The following GALNT16 variants were observed in gnomAD, a reference collection of about 807,000 sequenced individuals.
The protein encoded by GALNT16 is polypeptide N-acetylgalactosaminyltransferase 16, also known as UDP-GalNAc:polypeptide N-acetylgalactosaminyltransferase-like protein 1.
GALNT16 carries 40 observed loss-of-function variants against 76.1 expected under a neutral mutation model. That is an observed-to-expected ratio of 0.53 (90% CI 0.41 to 0.68). GALNT16 has a LOEUF of 0.68. Ranked by LOEUF, GALNT16 falls within the 30% of genes least tolerant of loss-of-function variation. The probability of loss-of-function intolerance (pLI) is 0.00; values close to 1 mark genes in which losing one functional copy is unlikely to be tolerated. For synonymous variants in GALNT16, 276 were observed against 285.2 expected, an observed-to-expected ratio of 0.97 and a Z score of 0.32; for missense variants, 621 against 731.9, an observed-to-expected ratio of 0.85 and a Z score of 1.75.
At chr14:69,331,272 C>T (rs142889180) in intron 6 of GALNT16, among the ~76,000 whole-genome samples, 192 bp from the exon 7 acceptor site, 69 of 152,236 alleles carry the variant, frequency 4.5e-4, no homozygotes, top group African/African-American at 1.6e-3. Context: ...ATAGGAACAT[C>T]CAGGAGCTTG....
At chr14:69,301,199 C>T (rs1375534945) in intron 1 of GALNT16, among the ~76,000 whole-genome samples, 1 of 152,140 alleles carries the variant, frequency 6.6e-6, no homozygotes, top group Non-Finnish European at 1.5e-5. Flanking sequence ...CTGAAAGCCC[C>T]TGCAGCTGCG....
In GALNT16 at chr14:69,320,847, T is replaced by G; in HGVS notation, c.314T>G (p.Ile105Ser). 6.2e-7 allele frequency: 1 copy of G among 1,612,062 alleles called. No homozygotes were observed. Among genetic ancestry groups the G allele is most frequent in the Non-Finnish European group, 8.5e-7 (1 of 1,178,646 alleles). ...GACAAGCTGAGCCCAGACCGGCCCA[T>G]CCGGGACACCCGCCATTACAGGTAC... The part of the protein sequence containing the change: ...ESDKLSPDRP[I>S]RDTRHYSCPS... Residue 105 changes from isoleucine (I) to serine (S), a missense_variant, in exon 2 of 15, where the codon ATC (isoleucine) becomes AGC (serine). Coordinates refer to ENST00000448469, the MANE Select transcript of GALNT16 (RefSeq NM_001168368.2).
chr14:69,347,216 A>C, intron 13 of GALNT16, 35 bp downstream of exon 13: 4 of 1,559,924 alleles, frequency 2.6e-6, no homozygotes, highest in Non-Finnish European at 2.6e-6. Context: ...AGTGGGAGAG[A>C]GCTGGAGGCA....
At chr14:69,328,396 TG>T (rs1460272095) in intron 5 of GALNT16, 53 bp from the exon 6 acceptor site, 11 of 1,579,960 alleles carry the variant, frequency 7.0e-6, no homozygotes, top group Non-Finnish European at 9.5e-6. Context: ...GGGGGACAGG[TG>T]GGAAGCCAGT....
intron 1 of GALNT16, among the ~76,000 whole-genome samples, chr14:69,269,644 A>G (rs1262624270): frequency 1.5e-5 from 2 of 130,308 alleles, no homozygotes; most frequent in Non-Finnish European, 1.6e-5. Context: ...TGTGGTGTGT[A>G]TATGATGTGT....
At chr14:69,346,265 G>T (rs1344314131) in intron 12 of GALNT16, among the ~76,000 whole-genome samples, 1 of 152,140 alleles carries the variant, frequency 6.6e-6, no homozygotes, top group Non-Finnish European at 1.5e-5. Flanking sequence ...CCCAGCTCCT[G>T]TTGTTAGATA....
chr14:69,282,122 A>G (rs950104683), intron 1 of GALNT16, among the ~76,000 whole-genome samples: 1 of 152,176 alleles, frequency 6.6e-6, no homozygotes. Context: ...CTCAAGTTGC[A>G]TGGTGAGGTT....
chr14:69,270,137 C>T (rs1157759595), intron 1 of GALNT16, among the ~76,000 whole-genome samples: 1 of 152,100 alleles, frequency 6.6e-6, no homozygotes, highest in East Asian at 1.9e-4. Flanking sequence ...ACAGCTTCTC[C>T]TCTGTTCAAG....
intron 4 of GALNT16, among the ~76,000 whole-genome samples, 158 bp from the exon 5 acceptor site, chr14:69,325,804 G>T (rs2045274519): frequency 6.6e-6 from 1 of 152,150 alleles, no homozygotes; most frequent in South Asian, 2.1e-4. Context: ...GAGTGGGGCA[G>T]GGCAACCCTT....
At chr14:69,379,425 AAAC>A in the GALNT16 span, among the ~76,000 whole-genome samples, 1 of 152,094 alleles carries the variant, frequency 6.6e-6, no homozygotes, top group Admixed American at 6.5e-5. Context: ...GTCTTGCATA[AAAC>A]AACAAAAAAA....
At chr14:69,345,622 G>A (rs1017104648) in intron 12 of GALNT16, among the ~76,000 whole-genome samples, 7 of 151,764 alleles carry the variant, frequency 4.6e-5, no homozygotes, top group Middle Eastern at 3.4e-3. Flanking sequence ...ATCCAAGAAC[G>A]AACATAACCT....
intron 1 of GALNT16, among the ~76,000 whole-genome samples, chr14:69,319,286 G>A (rs939446251): frequency 3.9e-5 from 6 of 152,204 alleles, no homozygotes; most frequent in African/African-American, 9.6e-5. Context: ...CAGTGAGGTC[G>A]GGGGCTAGGC....
chr14:69,263,353 C>T (rs1396392674), intron 1 of GALNT16, among the ~76,000 whole-genome samples: 2 of 152,196 alleles, frequency 1.3e-5, no homozygotes, highest in East Asian at 3.8e-4. Context: ...ATGCTTTGTT[C>T]AACTTAAAAG....
intron 14 of GALNT16, chr14:69,351,287 G>A (rs909854810): frequency 1.3e-5 from 2 of 152,432 alleles, no homozygotes; most frequent in South Asian, 2.1e-4. Flanking sequence ...TAGGAGAAAA[G>A]TCGGGACCAG....
chr14:69,349,841 G>A (rs1357462711), intron 14 of GALNT16: 2 of 152,242 alleles, frequency 1.3e-5, no homozygotes, highest in African/African-American at 4.8e-5. Flanking sequence ...GTGCCTAATA[G>A]CACTGATAAG....
intron 1 of GALNT16, among the ~76,000 whole-genome samples, chr14:69,266,101 G>A (rs2044339621): frequency 6.6e-6 from 1 of 152,164 alleles, no homozygotes; most frequent in Non-Finnish European, 1.5e-5. Flanking sequence ...CAAAGCCCAG[G>A]CTCATGTCTT....
intron 1 of GALNT16, among the ~76,000 whole-genome samples, chr14:69,319,897 C>G (rs956029930): frequency 6.6e-6 from 1 of 152,230 alleles, no homozygotes; most frequent in Non-Finnish European, 1.5e-5. Flanking sequence ...ACAGGTAGTT[C>G]TTTATGCAGC....
chr14:69,306,648 C>A (rs149654416), intron 1 of GALNT16, among the ~76,000 whole-genome samples: 1 of 152,280 alleles, frequency 6.6e-6, no homozygotes, highest in African/African-American at 2.4e-5. Flanking sequence ...TAAGTTGAAT[C>A]ATGATTAAAA....
intron 2 of GALNT16, among the ~76,000 whole-genome samples, chr14:69,322,570 G>A (rs566740109): frequency 1.3e-5 from 2 of 152,304 alleles, no homozygotes; most frequent in African/African-American, 4.8e-5. Context: ...TTGATGAGGT[G>A]CCACATGCTG....
Sources: gnomAD v4.1 joint callset for allele counts (sites outside exome capture counted in the v4.1 genomes callset) on GRCh38, gnomAD v4.1.1 for gene constraint, MANE v1.5 for transcripts, NCBI Gene and HGNC (gene_info 2026-07-23, HGNC 2026-07-21) for gene names.